CATSPERB: variants seen among roughly 807,000 people sequenced by gnomAD.
The protein encoded by CATSPERB is catsper channel auxiliary subunit beta.
A neutral mutation model predicts 128.3 loss-of-function variants in CATSPERB; 93 were observed. That is an observed-to-expected ratio of 0.72 (90% CI 0.61 to 0.86). The LOEUF (loss-of-function observed/expected upper bound fraction) is 0.86, where lower values mean the gene tolerates loss of function less well. Ranked by LOEUF, CATSPERB falls within the 40% of genes least tolerant of loss-of-function variation. CATSPERB has a pLI of 0.00. For synonymous variants in CATSPERB, 381 were observed against 448.8 expected (o/e 0.85, Z 1.91); for missense variants, 1,153 against 1,329.5 (o/e 0.87, Z 2.06).
At chr14:91,603,144 T>C in intron 22 of CATSPERB, 2 of 785,162 alleles carry the variant, frequency 2.5e-6, no homozygotes, top group Non-Finnish European at 4.7e-6. Flanking sequence ...CACTCTTCCT[T>C]GTATACCTTC....
chr14:91,611,182 A>T (rs1037132080), intron 20 of CATSPERB, among the ~76,000 whole-genome samples: 2 of 152,276 alleles, frequency 1.3e-5, no homozygotes, highest in Admixed American at 1.3e-4. Context: ...AAGACATGAC[A>T]GAAGTAGAAA....
intron 16 of CATSPERB, among the ~76,000 whole-genome samples, chr14:91,636,850 T>G (rs1022766057): frequency 6.6e-6 from 1 of 152,192 alleles, no homozygotes; most frequent in Non-Finnish European, 1.5e-5. Flanking sequence ...AAAGGGTACA[T>G]GGAAACTTGA....
At chr14:91,696,821 G>A (rs766051097) in intron 7 of CATSPERB, among the ~76,000 whole-genome samples, 7 of 152,196 alleles carry the variant, frequency 4.6e-5, no homozygotes, top group Non-Finnish European at 1.0e-4. Flanking sequence ...CTGAGGGGTA[G>A]CCTTTGATTG....
intron 12 of CATSPERB, among the ~76,000 whole-genome samples, chr14:91,673,850 T>A (rs1198654305): frequency 1.3e-5 from 2 of 150,430 alleles, no homozygotes; most frequent in Admixed American, 1.3e-4. Context: ...GCCACTGCGC[T>A]CCAGCCTGGA....
chr14:91,621,779 T>C lies in CATSPERB; in HGVS notation c.2089A>G (p.Thr697Ala). The C allele has an allele frequency of 6.2e-7, 1 of 1,614,188 alleles. No individual in the cohort carries two copies. The highest frequency in any genetic ancestry group is 8.5e-7 in the Non-Finnish European group (1 of 1,180,016). Reference sequence around the variant, plus strand: ...TGCCCAAAGTTGTATAAGAACCATGTGCTCTTTAGAAAGGTCATATTGTTG... The same window carrying C: ...TGCCCAAAGTTGTATAAGAACCATGCGCTCTTTAGAAAGGTCATATTGTTG... ...APNNMTFLKSTWFLYNFGQRN... is the reference protein window; with the variant it reads ...APNNMTFLKSAWFLYNFGQRN... Residue 697 changes from threonine (T) to alanine (A), a missense_variant, in exon 19 of 27, where the codon ACA (threonine) becomes GCA (alanine). Thr to Ala is a moderately conservative substitution (Grantham distance 58). Coordinates refer to ENST00000256343, the MANE Select transcript of CATSPERB (RefSeq NM_024764.4).
chr14:91,610,401 A>T (rs1893802291), intron 21 of CATSPERB, 79 bp downstream of exon 21: 2 of 1,144,474 alleles, frequency 1.7e-6, no homozygotes, highest in Non-Finnish European at 2.5e-6. Context: ...AGAAATGCTG[A>T]AACTGAATGG....
intron 7 of CATSPERB, among the ~76,000 whole-genome samples, chr14:91,701,420 A>G (rs1391497911): frequency 2.0e-5 from 3 of 152,174 alleles, no homozygotes; most frequent in African/African-American, 7.2e-5. Context: ...AAGTTAAGGG[A>G]CCATTCAGAG....
At chr14:91,729,063 G>A (rs1415144065) in intron 2 of CATSPERB, among the ~76,000 whole-genome samples, 3 of 152,202 alleles carry the variant, frequency 2.0e-5, no homozygotes, top group African/African-American at 7.2e-5. Context: ...CCATCGGCCA[G>A]GTGTGGTGGC....
chr14:91,604,989 T>C, intron 22 of CATSPERB: 1 of 1,167,554 alleles, frequency 8.6e-7, no homozygotes, highest in East Asian at 2.3e-5. Flanking sequence ...AATCTATCAT[T>C]GAGTACAAAC....
intron 20 of CATSPERB, among the ~76,000 whole-genome samples, chr14:91,611,997 TTTGA>T (rs1893836803): frequency 1.3e-5 from 2 of 150,640 alleles, no homozygotes; most frequent in Non-Finnish European, 3.0e-5. Context: ...ATAAAATAAC[TTTGA>T]TTGTTTACTG....
Position 91,617,600 on chromosome 14 carries a change from A to G in CATSPERB, c.2397T>C (p.His799=), listed in dbSNP as rs768203602. 25 of 1,580,018 alleles carry G rather than the reference A, an allele frequency of 1.6e-5. No homozygotes were observed. The highest frequency in any genetic ancestry group is 8.2e-5 in the Admixed American group (4 of 48,882). Residue 799 remains histidine, a synonymous_variant, in exon 20 of 27, where the codon CAT becomes CAC. Coordinates refer to ENST00000256343, the MANE Select transcript of CATSPERB (RefSeq NM_024764.4). ...TTGTAAATGAAGAAAATCCTACCTG[A>G]TGTAAAACTTTGCTAGCTGCAGAAA... ...ITISAASKVL[H]QGSTSLAFIM...
At chr14:91,633,069 C>G (rs1894306752) in intron 17 of CATSPERB, among the ~76,000 whole-genome samples, 1 of 152,210 alleles carries the variant, frequency 6.6e-6, no homozygotes, top group African/African-American at 2.4e-5. Flanking sequence ...TGCCTTGTCA[C>G]ATTTTCACAA....
intron 22 of CATSPERB, among the ~76,000 whole-genome samples, chr14:91,602,027 A>T (rs1893615372): frequency 6.6e-6 from 1 of 152,218 alleles, no homozygotes; most frequent in African/African-American, 2.4e-5. Context: ...CAAATTTTTC[A>T]TAAGCCCAAC....
chr14:91,725,896 AC>A (rs1896111973), intron 2 of CATSPERB, among the ~76,000 whole-genome samples: 1 of 152,150 alleles, frequency 6.6e-6, no homozygotes, highest in Admixed American at 6.5e-5. Context: ...ACCCATATAA[AC>A]CCCAGACCCC....
intron 21 of CATSPERB, among the ~76,000 whole-genome samples, chr14:91,608,872 TA>T (rs1367839543): frequency 6.6e-6 from 1 of 152,188 alleles, no homozygotes; most frequent in Non-Finnish European, 1.5e-5. Context: ...ACACAGGGGT[TA>T]GGGGTGCAGA....
intron 11 of CATSPERB, among the ~76,000 whole-genome samples, chr14:91,675,867 A>C (rs1895184108): frequency 6.6e-6 from 1 of 152,112 alleles, no homozygotes; most frequent in African/African-American, 2.4e-5. Context: ...AGCTGTGCCA[A>C]ATCTTATGGG....
chr14:91,722,933 A>T, intron 4 of CATSPERB, 116 bp downstream of exon 4: 1 of 756,300 alleles, frequency 1.3e-6, no homozygotes, highest in African/African-American at 1.8e-5. Context: ...CAGTGGGCTT[A>T]AAACATACAT....
rs1238438558 is a variant in CATSPERB at position 91,639,107 on chromosome 14, G to T, written c.1576C>A (p.Leu526Ile). Residue 526 changes from leucine to isoleucine, a missense_variant, in exon 16 of 27, where the codon CTT (leucine) becomes ATT (isoleucine). Physicochemically the swap from Leu to Ile is conservative, Grantham distance 5 (BLOSUM62 2). Transcript: ENST00000256343. ...PPTAFGNSRN[L>I]FGQPPDMGFE... Reference sequence around the variant, plus strand: ...CATTATATACTGACCTGTCCAAAAAGATTTCTAGAATTTCCAAAGGCTGTG... The same window carrying T: ...CATTATATACTGACCTGTCCAAAAATATTTCTAGAATTTCCAAAGGCTGTG... The T allele has an allele frequency of 6.2e-7, 1 of 1,613,876 alleles. No individual in the cohort carries two copies. The highest frequency in any genetic ancestry group is 8.5e-7 in the Non-Finnish European group (1 of 1,179,938).
chr14:91,704,286 A>C (rs1331169483), intron 7 of CATSPERB, among the ~76,000 whole-genome samples: 1 of 152,224 alleles, frequency 6.6e-6, no homozygotes, highest in African/African-American at 2.4e-5. Flanking sequence ...AGAAAGTAAC[A>C]TATTAATGGA....
Sources: gnomAD v4.1 joint callset for allele counts (sites outside exome capture counted in the v4.1 genomes callset) on GRCh38, gnomAD v4.1.1 for gene constraint, MANE v1.5 for transcripts, NCBI Gene and HGNC (gene_info 2026-07-23, HGNC 2026-07-21) for gene names.